Variants in HUNK observed in about 807,000 individuals in gnomAD.
The protein encoded by HUNK is hormonally up-regulated Neu-associated kinase, also known as hormonally up-regulated neu tumor-associated kinase.
HUNK carries 21 observed loss-of-function variants against 61.0 expected under a neutral mutation model. That is an observed-to-expected ratio of 0.34 (90% confidence interval 0.24 to 0.50). HUNK has a LOEUF of 0.50. HUNK is among the 20% of genes least tolerant of loss of function. The pLI, the probability that HUNK is intolerant of heterozygous loss-of-function variation, is 0.98. For synonymous variants in HUNK, 371 were observed against 386.1 expected (o/e 0.96, Z 0.46); for missense variants, 772 against 945.7 (o/e 0.82, Z 2.41).
intron 2 of HUNK, among the ~76,000 whole-genome samples, chr21:31,931,512 G>A (rs2052696480): frequency 6.6e-6 from 1 of 152,058 alleles, no homozygotes; most frequent in South Asian, 2.1e-4. Flanking sequence ...CATGATGGTC[G>A]GGTTCCAGGG....
At chr21:31,896,978 C>T (rs1222824636) in intron 1 of HUNK, among the ~76,000 whole-genome samples, 1 of 152,184 alleles carries the variant, frequency 6.6e-6, no homozygotes, top group Non-Finnish European at 1.5e-5. Context: ...GGCGCGGTGG[C>T]TCACACCTGT....
At position 31,998,762 on chromosome 21, in the gene HUNK, T is replaced by C. The variant is rs112809327; in HGVS notation, c.1723T>C (p.Ser575Pro). ...TCGCGACGACCACGTAGAAGTGCTG[T>C]CTCCCTCTCATCACTACAGGATTCT... Reference protein sequence around the residue: ...VDRDDHVEVLSPSHHYRILNS... With the variant: ...VDRDDHVEVLPPSHHYRILNS... The change falls in exon 11 of 11, where the codon TCT (serine) becomes CCT (proline). Residue 575 changes from serine (S) to proline (P), a missense_variant. By Grantham distance (74) the Ser-to-Pro change is moderately conservative (BLOSUM62 -1). Coordinates refer to ENST00000270112, the MANE Select transcript of HUNK (RefSeq NM_014586.2). 3 of 1,614,070 alleles carry C rather than the reference T, an allele frequency of 1.9e-6. No individual in the cohort carries two copies. Among genetic ancestry groups the C allele is most frequent in the Non-Finnish European group, 2.5e-6 (3 of 1,180,008 alleles).
intron 2 of HUNK, among the ~76,000 whole-genome samples, chr21:31,931,300 C>G (rs1355160259): frequency 2.0e-5 from 3 of 152,230 alleles, no homozygotes; most frequent in Admixed American, 6.5e-5. Flanking sequence ...GGGCATGCCC[C>G]CCAATACTCT....
At chr21:31,896,524 A>C (rs1189182821) in intron 1 of HUNK, among the ~76,000 whole-genome samples, 1 of 152,190 alleles carries the variant, frequency 6.6e-6, no homozygotes, top group African/African-American at 2.4e-5. Flanking sequence ...TGGATTCCTG[A>C]CTTGTATGGT....
chr21:31,964,273 T>A (rs890378431), intron 5 of HUNK, among the ~76,000 whole-genome samples: 2 of 152,198 alleles, frequency 1.3e-5, no homozygotes, highest in Non-Finnish European at 2.9e-5. Flanking sequence ...GATTATCAAA[T>A]AATTTTTTAG....
intron 1 of HUNK, among the ~76,000 whole-genome samples, chr21:31,913,911 C>T (rs1163452165): frequency 6.6e-6 from 1 of 151,720 alleles, no homozygotes; most frequent in Non-Finnish European, 1.5e-5. Flanking sequence ...AGTGGCAGTC[C>T]GGGGCAGGGG....
intron 1 of HUNK, among the ~76,000 whole-genome samples, chr21:31,894,339 C>T (rs936347883): frequency 5.3e-5 from 8 of 152,186 alleles, no homozygotes; most frequent in African/African-American, 1.4e-4. Context: ...ATGCTCTTTC[C>T]ATTTTCGTAA....
intron 4 of HUNK, among the ~76,000 whole-genome samples, chr21:31,955,602 A>C (rs1461054983): frequency 6.6e-6 from 1 of 152,238 alleles, no homozygotes; most frequent in African/African-American, 2.4e-5. Flanking sequence ...AAAAAGAAAA[A>C]GAAATACCAA....
At chr21:31,997,949 ACTCT>A (rs2053217474) in intron 10 of HUNK, among the ~76,000 whole-genome samples, 1 of 151,200 alleles carries the variant, frequency 6.6e-6, no homozygotes, top group Admixed American at 6.6e-5. Context: ...ACAGAGTCTC[ACTCT>A]GTCACCCAGG....
At chr21:31,929,155 T>C (rs1384646337) in intron 2 of HUNK, among the ~76,000 whole-genome samples, 2 of 152,180 alleles carry the variant, frequency 1.3e-5, no homozygotes, top group African/African-American at 4.8e-5. Flanking sequence ...GAGCCCTCAT[T>C]TCCTGTGGCA....
intron 1 of HUNK, among the ~76,000 whole-genome samples, chr21:31,906,369 T>C (rs1002101454): frequency 1.3e-5 from 2 of 152,310 alleles, no homozygotes; most frequent in African/African-American, 4.8e-5. Flanking sequence ...CATATGCACT[T>C]TGCAGATGAG....
chr21:31,941,423 C>T (rs750720536), intron 3 of HUNK, among the ~76,000 whole-genome samples: 17 of 151,864 alleles, frequency 1.1e-4, no homozygotes, highest in Non-Finnish European at 2.1e-4. Flanking sequence ...TCTCCTGTCT[C>T]AGCCTCCCGA....
At chr21:31,926,544 C>T (rs1056711845) in intron 2 of HUNK, among the ~76,000 whole-genome samples, 20 of 152,170 alleles carry the variant, frequency 1.3e-4, no homozygotes, top group African/African-American at 3.6e-4. Context: ...ATTTACTTTC[C>T]GTGTCTATGG....
intron 3 of HUNK, among the ~76,000 whole-genome samples, chr21:31,945,263 A>T (rs1033237686): frequency 2.0e-5 from 3 of 152,294 alleles, no homozygotes; most frequent in Middle Eastern, 3.4e-3. Context: ...TATCTTTAAG[A>T]TCAAAAGATA....
chr21:31,904,893 A>C (rs866559013), intron 1 of HUNK, among the ~76,000 whole-genome samples: 1 of 152,044 alleles, frequency 6.6e-6, no homozygotes, highest in Non-Finnish European at 1.5e-5. Flanking sequence ...GGAGTTTGAG[A>C]CCAGCCTGGC....
At chr21:31,926,309 G>A (rs192715504) in intron 2 of HUNK, among the ~76,000 whole-genome samples, 154 of 152,304 alleles carry the variant, frequency 1.0e-3, no homozygotes, top group African/African-American at 3.2e-3. Flanking sequence ...ATGCACACAC[G>A]TGTGCACATG....
At chr21:31,886,430 A>AC (rs1469416983) in intron 1 of HUNK, among the ~76,000 whole-genome samples, 2 of 151,540 alleles carry the variant, frequency 1.3e-5, no homozygotes, top group Non-Finnish European at 2.9e-5. Context: ...TCTCAAAAAA[A>AC]AAAAAAAAGA....
chr21:31,944,713 G>T (rs2052790662), intron 3 of HUNK, among the ~76,000 whole-genome samples: 1 of 152,168 alleles, frequency 6.6e-6, no homozygotes, highest in Non-Finnish European at 1.5e-5. Flanking sequence ...CTCAGTGTTT[G>T]GACATGCAGC....
At chr21:31,967,774 C>T (rs2833586) in intron 5 of HUNK, among the ~76,000 whole-genome samples, 24,597 of 152,048 alleles carry the variant, frequency 0.16, 2,533 homozygotes, top group East Asian at 0.31. Context: ...CTGGCTTCTC[C>T]CTGAGTGCTC....
Sources: gnomAD v4.1 joint callset for allele counts (sites outside exome capture counted in the v4.1 genomes callset) on GRCh38, gnomAD v4.1.1 for gene constraint, MANE v1.5 for transcripts, NCBI Gene and HGNC (gene_info 2026-07-23, HGNC 2026-07-21) for gene names.